The following ZNRF3 variants were observed in gnomAD, a reference collection of about 807,000 sequenced individuals.
ZNRF3 encodes the protein E3 ubiquitin-protein ligase ZNRF3.
A neutral mutation model predicts 72.5 loss-of-function variants in ZNRF3; 23 were observed. That is an observed-to-expected ratio of 0.32 (90% CI 0.23 to 0.45). The LOEUF is 0.45. Among genes scored for constraint, ZNRF3 ranks in the 20% least tolerant of loss-of-function variants. The pLI is 1.00. For missense variants in ZNRF3, 1,169 were observed against 1,272.1 expected (o/e 0.92, Z 1.23); for synonymous variants, 610 against 545.3 (o/e 1.12, Z -1.65).
chr22:28,908,223 C>T (rs975688183), intron 1 of ZNRF3, among the ~76,000 whole-genome samples: 1 of 152,170 alleles, frequency 6.6e-6, no homozygotes, highest in South Asian at 2.1e-4. Context: ...TGGAAATTGG[C>T]TGCAAGTCAT....
intron 1 of ZNRF3, among the ~76,000 whole-genome samples, chr22:28,897,573 A>G (rs564513817): frequency 1.3e-5 from 2 of 152,214 alleles, no homozygotes; most frequent in Admixed American, 6.5e-5. Flanking sequence ...CACCTGCCTC[A>G]ACTCCCAAAG....
At chr22:28,983,376 G>A (rs73172426) in intron 1 of ZNRF3, among the ~76,000 whole-genome samples, 2,769 of 152,212 alleles carry the variant, frequency 0.018, 35 homozygotes, top group Middle Eastern at 0.027. Flanking sequence ...CTGCATGCCC[G>A]GACACGCTCT....
chr22:28,991,020 G>A (rs866081675), intron 2 of ZNRF3, among the ~76,000 whole-genome samples: 25 of 152,070 alleles, frequency 1.6e-4, no homozygotes, highest in Middle Eastern at 6.8e-3. Context: ...GGTGGCTCAC[G>A]CCTGTAATCC....
rs1337659293 is a variant in ZNRF3 at position 29,050,748 on chromosome 22, G to T, written c.2567G>T (p.Gly856Val). 7.5e-6 allele frequency: 12 copies of T among 1,609,040 alleles called. No homozygotes were observed. Among genetic ancestry groups the T allele is most frequent in the Non-Finnish European group, 1.0e-5 (12 of 1,178,124 alleles). Reference sequence around the variant, plus strand: ...GGGACCCACAGCCTCGGCTCCTGGGGTGGGACGCGAGGCCCGGATACCCCA... The same window carrying T: ...GGGACCCACAGCCTCGGCTCCTGGGTTGGGACGCGAGGCCCGGATACCCCA... ...CQGTHSLGSW[G>V]GTRGPDTPRP... is the part of the protein sequence containing the mutation. Residue 856 changes from glycine to valine, a missense_variant, in exon 8 of 9, where the codon GGT (glycine) becomes GTT (valine). Transcript: ENST00000544604.
At chr22:28,949,567 T>G (rs576736745) in intron 1 of ZNRF3, among the ~76,000 whole-genome samples, 1 of 152,368 alleles carries the variant, frequency 6.6e-6, no homozygotes, top group East Asian at 1.9e-4. Context: ...CGTGCACCAC[T>G]GTGCCCGGCC....
intron 1 of ZNRF3, among the ~76,000 whole-genome samples, chr22:28,893,183 T>C (rs2033924561): frequency 6.6e-6 from 1 of 151,902 alleles, no homozygotes; most frequent in Non-Finnish European, 1.5e-5. Flanking sequence ...AATAAAAAAA[T>C]AAAAAATAAA....
chr22:29,052,003 A>G (rs745594097), intron 8 of ZNRF3, among the ~76,000 whole-genome samples: 12 of 151,952 alleles, frequency 7.9e-5, no homozygotes, highest in Non-Finnish European at 1.2e-4. Context: ...GCCTCAGTCC[A>G]TGAAAATGAA....
intron 1 of ZNRF3, among the ~76,000 whole-genome samples, chr22:28,903,650 C>T (rs1192783760): frequency 6.6e-6 from 1 of 152,044 alleles, no homozygotes; most frequent in Non-Finnish European, 1.5e-5. Flanking sequence ...AGGTGAGTTC[C>T]ATCACTGCCT....
chr22:29,011,316 A>G (rs1364789222), intron 2 of ZNRF3, among the ~76,000 whole-genome samples: 1 of 152,182 alleles, frequency 6.6e-6, no homozygotes, highest in Non-Finnish European at 1.5e-5. Context: ...GGCTGGCTAC[A>G]TTATTCTGTG....
chr22:28,992,852 G>C (rs2035981036), intron 2 of ZNRF3: 1 of 152,330 alleles, frequency 6.6e-6, no homozygotes, highest in Non-Finnish European at 1.5e-5. Flanking sequence ...TGAACACAGA[G>C]AGTGATTGTG....
chr22:29,046,784 C>T lies in ZNRF3; in HGVS notation c.813C>T (p.Ser271=), dbSNP rs762844560. 7.6e-5 allele frequency: 123 copies of T among 1,611,854 alleles called. 1 individual carries two copies. Among genetic ancestry groups the T allele is most frequent in the South Asian group, 1.0e-4 (9 of 90,348 alleles). Residue 271 remains serine (S), a synonymous_variant, in exon 6 of 9, where the codon AGC becomes AGT. Transcript: ENST00000544604. ...KMETRKFNSK[S]KGRREGSCGA... ...AAACCAGAAAGTTCAACTCCAAGAG[C>T]AAGGGGCGCCGGGAGGGGAGCTGTG...
At chr22:29,041,802 A>G (rs968700208) in intron 2 of ZNRF3, among the ~76,000 whole-genome samples, 6 of 152,132 alleles carry the variant, frequency 3.9e-5, no homozygotes, top group African/African-American at 1.2e-4. Flanking sequence ...TGTGTCACTT[A>G]TTAAAATTAA....
chr22:29,036,620 G>A (rs1305385330), intron 2 of ZNRF3, among the ~76,000 whole-genome samples: 2 of 152,186 alleles, frequency 1.3e-5, no homozygotes, highest in Non-Finnish European at 2.9e-5. Context: ...AATTGGGTGG[G>A]TATATAAGAG....
rs969539671 is a variant in ZNRF3, at chr22:28,907,751, T to C, written c.300+23685T>C. ...AGTGGGGATGGTTATGTGGTAGAAC[T>C]TTTTCCCTGCCCACAGCGCATGGTG... On this transcript the variant is annotated intron_variant, in intron 1 of 8. Transcript: ENST00000544604. Among the ~76,000 whole-genome samples, 5 of 152,218 alleles carry C rather than the reference T, an allele frequency of 3.3e-5. No homozygotes were observed. The South Asian group carries it at 1.0e-3, about 31-fold the overall frequency.
chr22:29,017,267 C>T (rs921224800), intron 2 of ZNRF3, among the ~76,000 whole-genome samples: 4 of 152,202 alleles, frequency 2.6e-5, no homozygotes, highest in Non-Finnish European at 5.9e-5. Context: ...TCCCATTTCT[C>T]CTGGTAAAGG....
Position 29,055,866 on chromosome 22 carries a change from C to A in ZNRF3, c.*2244C>A, listed in dbSNP as rs2037288996. The A allele has an allele frequency of 6.6e-6, 1 of 152,078 alleles. No individual in the cohort carries two copies. Among genetic ancestry groups the A allele is most frequent in the Admixed American group, 6.6e-5 (1 of 15,254 alleles). The allele number at this position is 152,078 out of a possible 1,614,324, so 9.4% of individuals were successfully genotyped here. A position where few individuals can be genotyped will look rare whatever the true frequency, so the allele number is the denominator to read the frequency against. On this transcript the variant is annotated 3_prime_UTR_variant, in exon 9 of 9. Coordinates refer to ENST00000544604, the MANE Select transcript of ZNRF3 (RefSeq NM_001206998.2). The stretch of plus-strand genomic sequence containing the variant: ...ATTTTCTTCCTCGTCTGAAACCGAA[C>A]TCCCAAAGTGGCTTTCTTTAGCCCT...
At chr22:29,052,919 T>C (rs980511447) in intron 8 of ZNRF3, among the ~76,000 whole-genome samples, 2 of 152,106 alleles carry the variant, frequency 1.3e-5, no homozygotes, top group Non-Finnish European at 2.9e-5. Context: ...GCTGTAGTCA[T>C]GATCTCACCA....
intron 1 of ZNRF3, among the ~76,000 whole-genome samples, chr22:28,963,178 AC>A (rs1297783238): frequency 6.6e-6 from 1 of 152,188 alleles, no homozygotes. Context: ...GGTCCTCAAG[AC>A]CATGTAATGA....
intron 2 of ZNRF3, among the ~76,000 whole-genome samples, chr22:29,019,018 C>A (rs1455673257): frequency 1.3e-5 from 2 of 151,024 alleles, no homozygotes; most frequent in African/African-American, 2.4e-5. Context: ...TGTTTGGGGC[C>A]TCACCTGGGA....
Sources: allele counts gnomAD v4.1 joint callset (sites outside exome capture counted in the v4.1 genomes callset), GRCh38; gene constraint gnomAD v4.1.1; transcripts MANE v1.5; gene names NCBI Gene and HGNC (gene_info 2026-07-23, HGNC 2026-07-21).